SMCO1: variants seen among roughly 807,000 people sequenced by gnomAD.
The protein encoded by SMCO1 is single-pass membrane and coiled-coil domain-containing protein 1.
Under a neutral mutation model 7.5 loss-of-function variants are expected in SMCO1, and 9 were observed. The observed-to-expected ratio is 1.20, with a 90% CI of 0.72 to 2.09. The LOEUF is 2.09. Ranked by LOEUF, SMCO1 falls within the 30% of genes most tolerant of loss-of-function variation. The probability of loss-of-function intolerance (pLI) is 0.00; values close to 1 mark genes in which losing one functional copy is unlikely to be tolerated. For synonymous variants in SMCO1, 90 were observed against 93.8 expected (o/e 0.96, Z 0.23); for missense variants, 219 against 253.1 (o/e 0.87, Z 0.91).
upstream of SMCO1, among the ~76,000 whole-genome samples, chr3:196,519,935 C>T (rs185086167): frequency 2.6e-5 from 4 of 152,116 alleles, no homozygotes; most frequent in South Asian, 4.1e-4. Context: ...GGAAAACAGT[C>T]GGGGGGGACG....
chr3:196,509,143 G>A (rs1463739476), intron 2 of SMCO1, among the ~76,000 whole-genome samples: 66 of 148,140 alleles, frequency 4.5e-4, no homozygotes, highest in African/African-American at 1.6e-3. Flanking sequence ...TCCGCCTCCC[G>A]GGTTCACGCC....
rs75602156 is a variant in SMCO1 at position 196,508,139 on chromosome 3, C to G, written c.393G>C (p.Leu131=). The stretch of plus-strand genomic sequence containing the variant: ...AAAGTGCTGTGATGTCTCCTTCTTG[C>G]AGCCCACACTCCTCCAGTATGGACT... ...VWESILEECG[L]QEGDITALCT... is the part of the protein sequence containing the mutation. The change falls in exon 3 of 3, where the codon CTG becomes CTC. Residue 131 remains leucine (L), a synonymous_variant. Transcript: ENST00000397537. 1 of 1,614,100 alleles carries G rather than the reference C, an allele frequency of 6.2e-7. No individual in the cohort carries two copies. The highest frequency in any genetic ancestry group is 1.3e-5 in the African/African-American group (1 of 75,018).
At chr3:196,515,589 G>T (rs1002307969), upstream of SMCO1, among the ~76,000 whole-genome samples, 1 of 152,134 alleles carries the variant, frequency 6.6e-6, no homozygotes, top group African/African-American at 2.4e-5. Flanking sequence ...AAATATTACT[G>T]TCATATTTTA....
At chr3:196,509,721 G>T in intron 1 of SMCO1, 52 bp from the exon 2 acceptor site, 1 of 1,482,378 alleles carries the variant, frequency 6.7e-7, no homozygotes, top group Non-Finnish European at 9.2e-7. Flanking sequence ...CAAAACTAAG[G>T]TTTTGATTTA....
At chr3:196,517,104 C>CAAAAAAAAAAAAAAAAAAA (rs56104987), upstream of SMCO1, among the ~76,000 whole-genome samples, 3 of 35,738 alleles carry the variant, frequency 8.4e-5, 1 homozygote, top group African/African-American at 4.9e-4. Context: ...GACTCCATCG[C>CAAAAAAAAAAAAAAAAAAA]AAAAAAAAAA....
chr3:196,516,984 A>G (rs1011465662), upstream of SMCO1, among the ~76,000 whole-genome samples: 1 of 151,930 alleles, frequency 6.6e-6, no homozygotes, highest in Non-Finnish European at 1.5e-5. Context: ...CTGTAGTCCC[A>G]GCTACTTGGG....
At chr3:196,520,143 G>A (rs1404611998), upstream of SMCO1, among the ~76,000 whole-genome samples, 2 of 152,152 alleles carry the variant, frequency 1.3e-5, no homozygotes, top group African/African-American at 4.8e-5. Context: ...TATTGCACAA[G>A]GGCATGGCCT....
rs1360717142 is a variant in SMCO1 at position 196,513,618 on chromosome 3, ACT to A, written c.50+1540_50+1541del. On this transcript the variant is annotated intron_variant, in intron 1 of 2. Coordinates refer to ENST00000397537, the MANE Select transcript of SMCO1 (RefSeq NM_001077657.3). The stretch of plus-strand genomic sequence containing the variant: ...CACTCCAGCCTGGTGACAGAGTGAG[ACT>A]CTGTCTCAAAAAAAAAAAAAAAAAA... Among the ~76,000 whole-genome samples the A allele has an allele frequency of 6.9e-5, 7 of 102,108 alleles. 1 individual carries two copies. Among genetic ancestry groups the A allele is most frequent in the East Asian group, 5.4e-4 (2 of 3,700 alleles). The allele number at this position is 102,108 out of a possible 152,430, so 67.0% of individuals were successfully genotyped here.
intron 1 of SMCO1, among the ~76,000 whole-genome samples, chr3:196,511,812 C>T (rs1362567586): frequency 2.4e-5 from 3 of 127,206 alleles, no homozygotes; most frequent in Admixed American, 7.3e-5. Context: ...TGAGGGAAAC[C>T]TGCCTGGGCC....
intron 1 of SMCO1, among the ~76,000 whole-genome samples, chr3:196,513,279 G>C (rs1017716273): frequency 4.0e-5 from 6 of 151,478 alleles, no homozygotes; most frequent in Non-Finnish European, 7.4e-5. Context: ...GCAGTGAGCT[G>C]TGATCATGCC....
intron 1 of SMCO1, among the ~76,000 whole-genome samples, chr3:196,512,665 A>C (rs1207140890): frequency 6.6e-6 from 1 of 150,746 alleles, no homozygotes; most frequent in Admixed American, 6.6e-5. Context: ...GCGCCACCAC[A>C]TCCGGCTAAT....
At chr3:196,508,752 C>G (rs572957826) in intron 2 of SMCO1, among the ~76,000 whole-genome samples, 1 of 150,630 alleles carries the variant, frequency 6.6e-6, no homozygotes, top group Non-Finnish European at 1.5e-5. Flanking sequence ...GCCTGGCCAA[C>G]ATGGTGAAAC....
At chr3:196,513,765 T>G (rs1172836223) in intron 1 of SMCO1, among the ~76,000 whole-genome samples, 1 of 152,124 alleles carries the variant, frequency 6.6e-6, no homozygotes, top group Non-Finnish European at 1.5e-5. Flanking sequence ...GTATAAAAAT[T>G]TACAGTTGCA....
chr3:196,520,014 C>G (rs73219651), upstream of SMCO1, among the ~76,000 whole-genome samples: 143 of 152,298 alleles, frequency 9.4e-4, no homozygotes, highest in Non-Finnish European at 1.5e-3. Flanking sequence ...ATGGCTTTTT[C>G]TCACTTCTCT....
At chr3:196,512,767 C>G (rs1440015561) in intron 1 of SMCO1, among the ~76,000 whole-genome samples, 5 of 152,044 alleles carry the variant, frequency 3.3e-5, no homozygotes, top group African/African-American at 1.2e-4. Context: ...CTCGGCCTCC[C>G]AAAGTTCTGG....
chr3:196,512,467 A>G (rs965627614), intron 1 of SMCO1, among the ~76,000 whole-genome samples: 2 of 150,406 alleles, frequency 1.3e-5, no homozygotes, highest in African/African-American at 4.9e-5. Flanking sequence ...ATTCACCTTC[A>G]GGTACTACAT....
At chr3:196,513,426 C>T (rs541937366) in intron 1 of SMCO1, among the ~76,000 whole-genome samples, 5 of 151,772 alleles carry the variant, frequency 3.3e-5, no homozygotes, top group Non-Finnish European at 5.9e-5. Context: ...GTCAAGAGAT[C>T]GAGACCATCC....
At chr3:196,519,928 A>T (rs527830216), upstream of SMCO1, among the ~76,000 whole-genome samples, 10 of 151,510 alleles carry the variant, frequency 6.6e-5, no homozygotes, top group African/African-American at 2.2e-4. Flanking sequence ...CAAGGAGGGA[A>T]AACAGTCGGG....
chr3:196,515,244 A>AGCGAAAGAAAACAAAAACAAC lies in SMCO1; in HGVS notation c.-36_-35insGTTGTTTTTGTTTTCTTTCGC. ...GCAAAAGGAAAGAAAACAAAAACAA[A>AGCGAAAGAAAACAAAAACAAC]GCAAAACAAAAAAAGCAATAAATGT... On this transcript the variant is annotated 5_prime_UTR_variant, in exon 1 of 3. Coordinates refer to ENST00000397537, the MANE Select transcript of SMCO1 (RefSeq NM_001077657.3). 6.5e-7 allele frequency: 1 copy of AGCGAAAGAAAACAAAAACAAC among 1,537,040 alleles called. No homozygotes were observed. The highest frequency in any genetic ancestry group is 1.7e-5 in the Admixed American group (1 of 59,236).
Sources: allele counts gnomAD v4.1 joint callset (sites outside exome capture counted in the v4.1 genomes callset), GRCh38; gene constraint gnomAD v4.1.1; transcripts MANE v1.5; gene names NCBI Gene and HGNC (gene_info 2026-07-23, HGNC 2026-07-21).